TENM3: variants seen among roughly 807,000 people sequenced by gnomAD.
TENM3 encodes teneurin-3.
In TENM3, 63 loss-of-function variants were observed where a neutral mutation model predicts 255.1. The ratio of observed to expected loss-of-function variants is 0.25; its 90% CI spans 0.20 to 0.30. The LOEUF is 0.30. TENM3 is among the 10% of genes least tolerant of loss of function. The pLI is 1.00. For synonymous variants in TENM3, 1,306 were observed against 1,322.3 expected, an observed-to-expected ratio of 0.99 and a Z score of 0.27; for missense variants, 2,929 against 3,461.1, an observed-to-expected ratio of 0.85 and a Z score of 3.86.
At chr4:181,893,517 C>A in the TENM3 span, among the ~76,000 whole-genome samples, 1 of 118,680 alleles carries the variant, frequency 8.4e-6, no homozygotes, top group African/African-American at 3.3e-5. Context: ...CACCATTCCT[C>A]TTAGGATGCA....
rs191617566 is a variant in TENM3 at position 182,525,118 on chromosome 4, A to G, written c.512-75806A>G. On this transcript the variant is annotated intron_variant, in intron 3 of 27. Coordinates refer to ENST00000511685, the MANE Select transcript of TENM3 (RefSeq NM_001080477.4). ...GGTGCACAGTAATTTTCATAGTCAC[A>G]GAGGTGGGCCCTAGTGTCCTTGAGT... Among the ~76,000 whole-genome samples, 347 of 152,306 alleles carry G rather than the reference A, an allele frequency of 2.3e-3. 2 individuals carry two copies. Among genetic ancestry groups the G allele is most frequent in the African/African-American group, 7.9e-3 (327 of 41,564 alleles).
At chr4:182,408,759 T>G (rs1321542906) in intron 3 of TENM3, among the ~76,000 whole-genome samples, 1 of 152,116 alleles carries the variant, frequency 6.6e-6, no homozygotes, top group Admixed American at 6.5e-5. Flanking sequence ...TATTCATCCA[T>G]TCGTTCAAGA....
intron 1 of TENM3, among the ~76,000 whole-genome samples, chr4:182,236,916 T>A (rs914405724): frequency 6.6e-6 from 1 of 152,208 alleles, no homozygotes; most frequent in Admixed American, 6.5e-5. Flanking sequence ...TGTGCCCTGG[T>A]GGTTTGCTGC....
At chr4:182,570,722 A>G (rs770701738) in intron 3 of TENM3, among the ~76,000 whole-genome samples, 11 of 152,116 alleles carry the variant, frequency 7.2e-5, no homozygotes, top group African/African-American at 1.7e-4. Context: ...TAGTCCAGCT[A>G]CTTGGGAGGC....
chr4:181,660,842 C>T, the TENM3 span, among the ~76,000 whole-genome samples: 1 of 152,108 alleles, frequency 6.6e-6, no homozygotes, highest in African/African-American at 2.4e-5. Flanking sequence ...AGCTAATATT[C>T]AGTATCTTTT....
At chr4:181,835,295 C>T in the TENM3 span, among the ~76,000 whole-genome samples, 1 of 152,176 alleles carries the variant, frequency 6.6e-6, no homozygotes, top group Admixed American at 6.5e-5. Flanking sequence ...GTTACATTCA[C>T]AAAACATTCA....
At chr4:182,208,406 A>G (rs947159054) in intron 1 of TENM3, among the ~76,000 whole-genome samples, 3 of 152,204 alleles carry the variant, frequency 2.0e-5, no homozygotes, top group Admixed American at 6.5e-5. Flanking sequence ...CAATTTCCGT[A>G]AAGGGACAGA....
At chr4:181,949,324 A>G in the TENM3 span, among the ~76,000 whole-genome samples, 1 of 152,346 alleles carries the variant, frequency 6.6e-6, no homozygotes, top group Admixed American at 6.5e-5. Context: ...TTTAGGTTTT[A>G]TAGACCTTTT....
At chr4:182,409,448 C>A (rs1769820280) in intron 3 of TENM3, among the ~76,000 whole-genome samples, 1 of 152,200 alleles carries the variant, frequency 6.6e-6, no homozygotes, top group Admixed American at 6.5e-5. Flanking sequence ...ACTGTAATAG[C>A]CCCAGGAGCT....
At chr4:181,832,615 C>G in the TENM3 span, among the ~76,000 whole-genome samples, 1 of 152,198 alleles carries the variant, frequency 6.6e-6, no homozygotes, top group Admixed American at 6.5e-5. Context: ...TATAGATACG[C>G]TAAGAGACTT....
the TENM3 span, among the ~76,000 whole-genome samples, chr4:181,933,012 C>A: frequency 2.0e-5 from 3 of 151,964 alleles, no homozygotes; most frequent in African/African-American, 7.2e-5. Context: ...TGGGGCCTCC[C>A]AGGGGGTTGG....
chr4:181,763,131 T>C, the TENM3 span, among the ~76,000 whole-genome samples: 1 of 152,210 alleles, frequency 6.6e-6, no homozygotes, highest in Non-Finnish European at 1.5e-5. Context: ...GAATCTTCTT[T>C]TTTATCTAAG....
intron 3 of TENM3, among the ~76,000 whole-genome samples, chr4:182,441,527 T>C (rs543218340): frequency 9.2e-5 from 14 of 152,282 alleles, no homozygotes; most frequent in African/African-American, 3.4e-4. Context: ...AGATGGAGTC[T>C]CGCTCTGTTG....
chr4:182,711,715 G>A (rs1758758526), intron 12 of TENM3: 2 of 278,934 alleles, frequency 7.2e-6, no homozygotes, highest in Non-Finnish European at 1.1e-5. Flanking sequence ...TTATAAATCA[G>A]AGTTAAATTA....
intron 2 of TENM3, among the ~76,000 whole-genome samples, chr4:182,325,714 A>G (rs1025036657): frequency 2.6e-5 from 4 of 152,170 alleles, no homozygotes; most frequent in Non-Finnish European, 5.9e-5. Flanking sequence ...TGTATCAAAA[A>G]TAACTCTTTA....
chr4:181,681,126 C>G, the TENM3 span, among the ~76,000 whole-genome samples: 1 of 151,862 alleles, frequency 6.6e-6, no homozygotes, highest in Non-Finnish European at 1.5e-5. Context: ...TAAATGGAAA[C>G]AGTCCATGTG....
chr4:182,114,449 C>A, the TENM3 span, among the ~76,000 whole-genome samples: 3 of 150,660 alleles, frequency 2.0e-5, no homozygotes, highest in Non-Finnish European at 2.9e-5. Flanking sequence ...TTATTCCAAT[C>A]GTTTTTAGGG....
chr4:182,516,935 A>G (rs1738024579), intron 3 of TENM3, among the ~76,000 whole-genome samples: 1 of 152,096 alleles, frequency 6.6e-6, no homozygotes, highest in Non-Finnish European at 1.5e-5. Flanking sequence ...CATGAAAAAA[A>G]CCAGAGAGTT....
chr4:182,743,541 C>A (rs917047273), intron 19 of TENM3, 122 bp downstream of exon 19: 39 of 1,127,768 alleles, frequency 3.5e-5, no homozygotes, highest in Non-Finnish European at 4.7e-5. Flanking sequence ...AAAATTTCCC[C>A]CAGAAAGAAG....
Sources: gnomAD v4.1 joint callset for allele counts (sites outside exome capture counted in the v4.1 genomes callset) on GRCh38, gnomAD v4.1.1 for gene constraint, MANE v1.5 for transcripts, NCBI Gene and HGNC (gene_info 2026-07-23, HGNC 2026-07-21) for gene names.